PAX7: variants seen among roughly 807,000 people sequenced by gnomAD.
The protein encoded by PAX7 is paired box 7.
A neutral mutation model predicts 50.7 loss-of-function variants in PAX7; 18 were observed. The observed-to-expected ratio is 0.36, with a 90% CI of 0.25 to 0.53. PAX7 has a LOEUF of 0.53. Among genes scored for constraint, PAX7 ranks in the 20% least tolerant of loss-of-function variants. PAX7 has a pLI of 0.93. For missense variants in PAX7, 644 were observed against 702.9 expected, an observed-to-expected ratio of 0.92 and a Z score of 0.95; for synonymous variants, 310 against 290.4, an observed-to-expected ratio of 1.07 and a Z score of -0.69.
rs2088169912 is a variant in PAX7, at chr1:18,636,973, C to T, written c.586+602C>T. Among the ~76,000 whole-genome samples the T allele has an allele frequency of 6.6e-6, 1 of 152,196 alleles. No individual in the cohort carries two copies. ...ACTGGGGGACAGAGAGTGCCTTCCT[C>T]TGTGGCGTGCGCCGGCAGGGCTGGG... On this transcript the variant is annotated intron_variant, in intron 4 of 8. Transcript: ENST00000420770. The surrounding 1 kb of genome is among the most constrained non-coding windows in gnomAD (Gnocchi z 5.1).
At chr1:18,699,006 C>T (rs1301330157) in intron 5 of PAX7, among the ~76,000 whole-genome samples, 1 of 152,186 alleles carries the variant, frequency 6.6e-6, no homozygotes, top group African/African-American at 2.4e-5. Flanking sequence ...GCGGCCTTCA[C>T]CCCCCATCAG....
At chr1:18,635,561 G>C (rs2088140656) in intron 3 of PAX7, among the ~76,000 whole-genome samples, 3 of 140,666 alleles carry the variant, frequency 2.1e-5, no homozygotes, top group Admixed American at 2.1e-4. Flanking sequence ...CAGGCAGGCA[G>C]GTGGGCAGGC....
intron 4 of PAX7, among the ~76,000 whole-genome samples, chr1:18,657,804 T>TA (rs566498384): frequency 1.3e-4 from 19 of 150,682 alleles, no homozygotes; most frequent in African/African-American, 3.4e-4. Flanking sequence ...GAATGCCCCC[T>TA]AAAAAAAAAG....
Position 18,674,428 on chromosome 1 carries a change from G to A in PAX7, c.587-17326G>A, listed in dbSNP as rs866666840. Among the ~76,000 whole-genome samples the A allele has an allele frequency of 3.3e-5, 5 of 152,186 alleles. No homozygotes were observed. The South Asian group carries it at 6.2e-4, about 19-fold the overall frequency. ...AAAGGAAAAGATGGTGAGGAGAAAC[G>A]GGACTTAGGGAAAGAGCCAGGGTGG... On this transcript the variant is annotated intron_variant, in intron 4 of 8. Transcript: ENST00000420770.
At chr1:18,640,704 T>A (rs1466093317) in intron 4 of PAX7, among the ~76,000 whole-genome samples, 1 of 152,090 alleles carries the variant, frequency 6.6e-6, no homozygotes, top group Non-Finnish European at 1.5e-5. Flanking sequence ...CAGAGTGGGA[T>A]CAGCTTCGCA....
intron 7 of PAX7, among the ~76,000 whole-genome samples, chr1:18,709,196 A>G (rs1452743752): frequency 1.3e-5 from 2 of 152,026 alleles, no homozygotes; most frequent in Non-Finnish European, 2.9e-5. Context: ...GATTTTCTGA[A>G]AATCACACGG....
At chr1:18,667,388 GAGAAAGGAAGGAAGGA>G (rs1171512819) in intron 4 of PAX7, among the ~76,000 whole-genome samples, 16 of 115,678 alleles carry the variant, frequency 1.4e-4, no homozygotes, top group South Asian at 1.2e-3. Context: ...GAGAAGGAAG[GAGAAAGGAAGGAAGGA>G]AGGAAGGAAG....
At position 18,747,206 on chromosome 1, in the gene PAX7, C is replaced by T. The variant is rs145382556; in HGVS notation, c.*2277C>T. 1.7e-5 allele frequency: 4 copies of T among 230,688 alleles called. No homozygotes were observed. The highest frequency in any genetic ancestry group is 1.7e-5 in the Non-Finnish European group (2 of 116,482). 14.3% of individuals were successfully genotyped at this position (230,688 alleles called of 1,614,324 possible). On this transcript the variant is annotated 3_prime_UTR_variant, in exon 9 of 9. Coordinates refer to ENST00000420770, the MANE Select transcript of PAX7 (RefSeq NM_001135254.2). ...GTGACTCAGGAGCAGGGATCTCAGG[C>T]AGCTGATATCAAAACCACCCAGCCC...
intron 7 of PAX7, among the ~76,000 whole-genome samples, chr1:18,704,950 T>C (rs1485186761): frequency 6.6e-6 from 1 of 152,198 alleles, no homozygotes; most frequent in Non-Finnish European, 1.5e-5. Flanking sequence ...TTGAATGAGA[T>C]GATCTGTGGA....
At position 18,684,084 on chromosome 1, in the gene PAX7, G is replaced by A. The variant is rs550535082; in HGVS notation, c.587-7670G>A. On this transcript the variant is annotated intron_variant, in intron 4 of 8. Transcript: ENST00000420770. ...GCCTGACCCGCTGCAAACTGCAGGG[G>A]TTCACCAGGCCATGAGGAGGGTGGG... 3.3e-5 allele frequency among the ~76,000 whole-genome samples: 5 copies of A among 152,326 alleles called. No individual in the cohort carries two copies. In the South Asian group the frequency reaches 6.2e-4, roughly 19 times the overall value.
At chr1:18,642,275 G>A (rs553011415) in intron 4 of PAX7, among the ~76,000 whole-genome samples, 1 of 152,162 alleles carries the variant, frequency 6.6e-6, no homozygotes, top group South Asian at 2.1e-4. Flanking sequence ...GCTTCATTCT[G>A]TACTGTGAGG....
rs1557501141 is a variant in PAX7 at position 18,636,868 on chromosome 1, C to T, written c.586+497C>T. On this transcript the variant is annotated intron_variant, in intron 4 of 8. Coordinates refer to ENST00000420770, the MANE Select transcript of PAX7 (RefSeq NM_001135254.2). This position sits in a 1 kb window ranked among gnomAD's most constrained non-coding sequence, Gnocchi z 5.1. ...CTCTAAACGGTCCCTTGAAACCCCG[C>T]CTGACAGTTGACTGACCGCTGCAAT... is the stretch of plus-strand genomic sequence containing the variant. Among the ~76,000 whole-genome samples the T allele has an allele frequency of 6.6e-6, 1 of 152,182 alleles. No homozygotes were observed. Among genetic ancestry groups the T allele is most frequent in the Non-Finnish European group, 1.5e-5 (1 of 68,028 alleles).
chr1:18,667,391 A>AAAGGAAAGAAGGAAGG (rs2088683615), intron 4 of PAX7, among the ~76,000 whole-genome samples: 1 of 113,388 alleles, frequency 8.8e-6, no homozygotes, highest in African/African-American at 3.4e-5. Context: ...AAGGAAGGAG[A>AAAGGAAAGAAGGAAGG]AAGGAAGGAA....
At chr1:18,734,328 G>C (rs572935323) in intron 7 of PAX7, among the ~76,000 whole-genome samples, 1 of 152,188 alleles carries the variant, frequency 6.6e-6, no homozygotes, top group Admixed American at 6.5e-5. Flanking sequence ...CATAAAGGGC[G>C]GCATCACCAG....
chr1:18,665,500 C>T (rs2088655265), intron 4 of PAX7, among the ~76,000 whole-genome samples: 1 of 152,052 alleles, frequency 6.6e-6, no homozygotes, highest in Non-Finnish European at 1.5e-5. Context: ...CTCAGCTTCC[C>T]GAGTAGCTGG....
Position 18,636,234 on chromosome 1 carries a change from G to T in PAX7, c.452-3G>T. On this transcript the variant is annotated splice_polypyrimidine_tract_variant and splice_region_variant and intron_variant, in intron 3 of 8. Transcript: ENST00000420770. The surrounding 1 kb of genome is among the most constrained non-coding windows in gnomAD (Gnocchi z 5.1). ...CTTGCTCTTTTGCCTTTGAATTTCT[G>T]AGGTTTAGTGAGTTCGATTAGCCGC... The T allele has an allele frequency of 1.2e-6, 2 of 1,613,146 alleles. No homozygotes were observed. Among genetic ancestry groups the T allele is most frequent in the Non-Finnish European group, 1.7e-6 (2 of 1,179,416 alleles).
intron 4 of PAX7, among the ~76,000 whole-genome samples, chr1:18,683,738 G>A (rs2088932625): frequency 6.6e-6 from 1 of 152,174 alleles, no homozygotes; most frequent in African/African-American, 2.4e-5. Flanking sequence ...TACTCGGGAG[G>A]CTAAGGCATG....
intron 7 of PAX7, among the ~76,000 whole-genome samples, chr1:18,725,681 C>CAA (rs2089556063): frequency 6.6e-6 from 1 of 152,206 alleles, no homozygotes; most frequent in Admixed American, 6.5e-5. Context: ...CATATCTTTT[C>CAA]CAGCGATCGG....
chr1:18,701,908 T>G (rs2100324030), intron 6 of PAX7, among the ~76,000 whole-genome samples: 1 of 152,272 alleles, frequency 6.6e-6, no homozygotes, highest in South Asian at 2.1e-4. Flanking sequence ...AAGGAAAGTC[T>G]GGGTCTCAGG....
Sources: gnomAD v4.1 joint callset for allele counts (sites outside exome capture counted in the v4.1 genomes callset) on GRCh38, gnomAD v4.1.1 for gene constraint, Gnocchi (gnomAD v3.1) non-coding constraint, MANE v1.5 for transcripts, NCBI Gene and HGNC (gene_info 2026-07-23, HGNC 2026-07-21) for gene names.